MDGA2: variants seen among roughly 807,000 people sequenced by gnomAD.
The protein encoded by MDGA2 is MAM domain containing glycosylphosphatidylinositol anchor 2.
Under a neutral mutation model 117.8 loss-of-function variants are expected in MDGA2, and 40 were observed. That is an observed-to-expected ratio of 0.34 (90% CI 0.26 to 0.44). The LOEUF (loss-of-function observed/expected upper bound fraction) is 0.44. Among genes scored for constraint, MDGA2 ranks in the 20% least tolerant of loss-of-function variants. The pLI is 1.00. For synonymous variants in MDGA2, 452 were observed against 439.0 expected (o/e 1.03, Z -0.37); for missense variants, 1,123 against 1,250.6 (o/e 0.90, Z 1.54).
intron 5 of MDGA2, among the ~76,000 whole-genome samples, chr14:47,120,589 T>G (rs1361297094): frequency 6.6e-6 from 1 of 152,092 alleles, no homozygotes; most frequent in Non-Finnish European, 1.5e-5. Context: ...TAAAGGTGGC[T>G]CTTAGAAGAG....
chr14:47,423,061 T>A lies in MDGA2; in HGVS notation c.281-121511A>T, dbSNP rs75587792. Among the ~76,000 whole-genome samples, 3 of 152,308 alleles carry A rather than the reference T, an allele frequency of 2.0e-5. No individual in the cohort carries two copies. The East Asian group carries it at 5.8e-4, about 29-fold the overall frequency. ...ATGTATGTGGAAGATATTTTTATGC[T>A]TAGGCAAATTATTTTGCAGTGTTTA... is the stretch of plus-strand genomic sequence containing the variant. On this transcript the variant is annotated intron_variant, in intron 1 of 16. Coordinates refer to ENST00000399232, the MANE Select transcript of MDGA2 (RefSeq NM_001113498.3).
chr14:47,157,876 C>T (rs909794559), intron 3 of MDGA2, among the ~76,000 whole-genome samples: 17 of 152,036 alleles, frequency 1.1e-4, no homozygotes, highest in African/African-American at 4.1e-4. Context: ...GTGCCTTTAA[C>T]CATGATTTTA....
chr14:47,270,015 G>C (rs758432295), intron 2 of MDGA2, among the ~76,000 whole-genome samples: 1 of 152,152 alleles, frequency 6.6e-6, no homozygotes, highest in Admixed American at 6.5e-5. Flanking sequence ...AAAGCACAGC[G>C]TGGAGCCATT....
intron 1 of MDGA2, among the ~76,000 whole-genome samples, chr14:47,491,304 C>G (rs752653089): frequency 6.6e-6 from 1 of 151,992 alleles, no homozygotes; most frequent in Non-Finnish European, 1.5e-5. Flanking sequence ...CACCAATAAA[C>G]CAACACCTCC....
intron 12 of MDGA2, among the ~76,000 whole-genome samples, chr14:46,875,761 G>C (rs1378847021): frequency 1.3e-5 from 2 of 151,444 alleles, no homozygotes; most frequent in African/African-American, 4.8e-5. Flanking sequence ...GATTTTGAAT[G>C]TTTTCAGTTA....
chr14:47,217,886 G>T, intron 3 of MDGA2, 135 bp downstream of exon 3: 1 of 617,628 alleles, frequency 1.6e-6, no homozygotes, highest in South Asian at 4.2e-5. Context: ...AACGTTTTAA[G>T]GGAGCTATCA....
In MDGA2 at chr14:47,141,325, G is replaced by A. The variant is rs566880235; in HGVS notation, c.792+2753C>T. ...CCAAAAGAAATTAAGACAGTATGTC[G>A]AGGAGATACCTGCACCTCCATATTT... On this transcript the variant is annotated intron_variant, in intron 4 of 16. Coordinates refer to ENST00000399232, the MANE Select transcript of MDGA2 (RefSeq NM_001113498.3). 6.6e-5 allele frequency among the ~76,000 whole-genome samples: 10 copies of A among 152,214 alleles called. No homozygotes were observed. In the South Asian group the frequency reaches 8.3e-4, roughly 13 times the overall value.
chr14:46,920,309 A>T (rs1176056993), intron 9 of MDGA2, 149 bp from the exon 10 acceptor site: 1 of 708,110 alleles, frequency 1.4e-6, no homozygotes, highest in Non-Finnish European at 2.1e-6. Context: ...TTGAGAACAG[A>T]TGTGAGATTT....
chr14:47,675,287 C>T lies in MDGA2; in HGVS notation c.-491G>A, dbSNP rs2138328591. ...GCAACGCCAATCCTGTTACACGATACAGACTCGCATCGCCGAACGGGGAGA... is the reference window on the plus strand; with the variant it reads ...GCAACGCCAATCCTGTTACACGATATAGACTCGCATCGCCGAACGGGGAGA... On this transcript the variant is annotated 5_prime_UTR_variant, in exon 1 of 17. Transcript: ENST00000399232. Among the ~76,000 whole-genome samples, 1 of 148,232 alleles carries T rather than the reference C, an allele frequency of 6.7e-6. No individual in the cohort carries two copies. Among genetic ancestry groups the T allele is most frequent in the Non-Finnish European group, 1.5e-5 (1 of 67,282 alleles).
At chr14:47,200,763 C>T (rs903043707) in intron 3 of MDGA2, 1 of 842,778 alleles carries the variant, frequency 1.2e-6, no homozygotes, top group Non-Finnish European at 2.0e-6. Context: ...ACCTCGTGAG[C>T]CAGGCGCCCC....
intron 6 of MDGA2, among the ~76,000 whole-genome samples, chr14:47,095,940 C>G (rs950124976): frequency 5.9e-5 from 9 of 151,872 alleles, no homozygotes; most frequent in African/African-American, 2.2e-4. Context: ...ACTTCAGAGG[C>G]CTCAGTGTGC....
At chr14:47,560,099 G>A (rs1328927346) in intron 1 of MDGA2, among the ~76,000 whole-genome samples, 6 of 148,224 alleles carry the variant, frequency 4.0e-5, no homozygotes, top group Non-Finnish European at 7.4e-5. Context: ...ACGGAGTCTC[G>A]TTCTGTCGCC....
intron 2 of MDGA2, among the ~76,000 whole-genome samples, chr14:47,218,602 T>G (rs959614174): frequency 3.9e-5 from 6 of 152,178 alleles, no homozygotes; most frequent in African/African-American, 1.2e-4. Context: ...GGTTCTCATT[T>G]TATTTTTGGA....
chr14:47,369,719 T>G (rs1891304212), intron 1 of MDGA2, among the ~76,000 whole-genome samples: 1 of 152,148 alleles, frequency 6.6e-6, no homozygotes, highest in South Asian at 2.1e-4. Flanking sequence ...TCTGCTTTTC[T>G]TTTAGGAAGT....
At chr14:47,555,102 T>C (rs911992950) in intron 1 of MDGA2, among the ~76,000 whole-genome samples, 2 of 152,104 alleles carry the variant, frequency 1.3e-5, no homozygotes, top group African/African-American at 4.8e-5. Flanking sequence ...ACAATTCCTA[T>C]TGTGTGTGTT....
intron 8 of MDGA2, among the ~76,000 whole-genome samples, chr14:46,973,250 A>C (rs1203294686): frequency 6.6e-6 from 1 of 152,146 alleles, no homozygotes; most frequent in African/African-American, 2.4e-5. Context: ...GTGATCCAGC[A>C]ATCATAGACC....
chr14:47,310,502 T>C (rs1419076702), intron 1 of MDGA2, among the ~76,000 whole-genome samples: 1 of 152,104 alleles, frequency 6.6e-6, no homozygotes, highest in African/African-American at 2.4e-5. Flanking sequence ...CTCAAACGAC[T>C]TGTATAAACT....
intron 15 of MDGA2, among the ~76,000 whole-genome samples, chr14:46,848,004 A>T (rs1179655527): frequency 6.6e-6 from 1 of 152,030 alleles, no homozygotes; most frequent in Non-Finnish European, 1.5e-5. Flanking sequence ...AATATTAAAT[A>T]CTGCTTGTAG....
At chr14:47,371,307 G>C (rs1326691281) in intron 1 of MDGA2, among the ~76,000 whole-genome samples, 1 of 151,672 alleles carries the variant, frequency 6.6e-6, no homozygotes, top group East Asian at 1.9e-4. Context: ...TTAAGTTTTA[G>C]TGTAAAATTT....
Sources: allele counts gnomAD v4.1 joint callset (sites outside exome capture counted in the v4.1 genomes callset), GRCh38; gene constraint gnomAD v4.1.1; transcripts MANE v1.5; gene names NCBI Gene and HGNC (gene_info 2026-07-23, HGNC 2026-07-21).